The following CRADD variants were observed in gnomAD, a reference collection of about 807,000 sequenced individuals.
CRADD encodes the protein death domain-containing protein CRADD.
CRADD carries 9 observed loss-of-function variants against 15.5 expected under a neutral mutation model. That is an observed-to-expected ratio of 0.58 (90% CI 0.35 to 1.01). CRADD has a LOEUF of 1.01. CRADD is among the 50% of genes least tolerant of loss of function. CRADD has a pLI of 0.02. For synonymous variants in CRADD, 118 were observed against 107.6 expected (o/e 1.10, Z -0.60); for missense variants, 227 against 250.3 (o/e 0.91, Z 0.63).
intron 2 of CRADD, among the ~76,000 whole-genome samples, chr12:93,846,285 A>C (rs1958115192): frequency 6.6e-6 from 1 of 152,148 alleles, no homozygotes; most frequent in Non-Finnish European, 1.5e-5. Context: ...AATTCTTTTG[A>C]GTATATACCC....
intron 2 of CRADD, among the ~76,000 whole-genome samples, chr12:93,683,296 G>A (rs567289245): frequency 1.3e-5 from 2 of 152,364 alleles, no homozygotes; most frequent in East Asian, 3.9e-4. Flanking sequence ...GGGTCTGGGT[G>A]TCTGCCATGA....
intron 2 of CRADD, among the ~76,000 whole-genome samples, chr12:93,880,888 GT>G (rs1377643281): frequency 2.0e-5 from 3 of 152,178 alleles, no homozygotes; most frequent in Admixed American, 2.0e-4. Context: ...CAGTAGATTT[GT>G]TTTTGTTAGA....
intron 2 of CRADD, among the ~76,000 whole-genome samples, chr12:93,730,735 T>TA (rs1312790765): frequency 6.6e-6 from 1 of 150,660 alleles, no homozygotes; most frequent in Non-Finnish European, 1.5e-5. Flanking sequence ...TTTTTTTTTT[T>TA]AATGGAGCTT....
At chr12:93,686,912 G>A (rs1955453580) in intron 2 of CRADD, among the ~76,000 whole-genome samples, 1 of 147,774 alleles carries the variant, frequency 6.8e-6, no homozygotes, top group Non-Finnish European at 1.5e-5. Context: ...TTGTACTAAT[G>A]CATTTTTTTT....
chr12:93,697,375 GC>G (rs1955734779), intron 2 of CRADD, among the ~76,000 whole-genome samples: 1 of 152,232 alleles, frequency 6.6e-6, no homozygotes, highest in East Asian at 1.9e-4. Context: ...ACGTGAAGAT[GC>G]AGCAAGACTG....
chr12:93,874,664 T>G (rs1163026367), intron 2 of CRADD, among the ~76,000 whole-genome samples: 1 of 152,118 alleles, frequency 6.6e-6, no homozygotes, highest in Non-Finnish European at 1.5e-5. Flanking sequence ...CTTTTTAATT[T>G]CTTCATTGAC....
At chr12:93,828,552 C>T (rs1192174270) in intron 2 of CRADD, among the ~76,000 whole-genome samples, 2 of 152,338 alleles carry the variant, frequency 1.3e-5, no homozygotes, top group Middle Eastern at 3.4e-3. Flanking sequence ...TGTGCTTGTG[C>T]GTATGGAGAG....
In CRADD at chr12:93,783,604, C is replaced by T. The variant is rs111617392; in HGVS notation, c.299-66366C>T. Among the ~76,000 whole-genome samples the T allele has an allele frequency of 7.2e-5, 11 of 152,156 alleles. 2 individuals carry two copies. The highest frequency in any genetic ancestry group is 2.6e-4 in the Admixed American group (4 of 15,274). ...AAGCAAAATGTGTGGCAACTTTCTT[C>T]ATATTCAGAAAAGAGTAAAAGCCTA... is the stretch of plus-strand genomic sequence containing the variant. On this transcript the variant is annotated intron_variant, in intron 2 of 2. Transcript: ENST00000332896.
In CRADD at chr12:93,850,174, G is replaced by C; in HGVS notation, c.503G>C (p.Arg168Pro). The C allele has an allele frequency of 6.2e-7, 1 of 1,613,804 alleles. No homozygotes were observed. Among genetic ancestry groups the C allele is most frequent in the East Asian group, 2.2e-5 (1 of 44,866 alleles). ...SQVVEAFIRW[R>P]QRFGKQATFQ... ...GTGGTGGAGGCCTTCATCCGTTGGC[G>C]GCAGCGCTTCGGGAAGCAGGCCACC... Residue 168 changes from arginine to proline, a missense_variant, in exon 3 of 3, where the codon CGG becomes CCG. Transcript: ENST00000332896. This position sits in a 1 kb window ranked among gnomAD's most constrained non-coding sequence, Gnocchi z 4.0.
intron 2 of CRADD, among the ~76,000 whole-genome samples, chr12:93,841,102 T>C (rs558571172): frequency 3.1e-4 from 47 of 152,326 alleles, no homozygotes; most frequent in African/African-American, 1.1e-3. Flanking sequence ...ATAATGACTT[T>C]CCTCTTTGGT....
chr12:93,688,802 C>T (rs58366643), intron 2 of CRADD, among the ~76,000 whole-genome samples: 5,913 of 152,214 alleles, frequency 0.039, 344 homozygotes, highest in African/African-American at 0.13. Flanking sequence ...ACCACTTTCT[C>T]GGCATTCAGT....
intron 2 of CRADD, among the ~76,000 whole-genome samples, chr12:93,816,507 G>A (rs1347931751): frequency 1.3e-5 from 2 of 151,490 alleles, no homozygotes; most frequent in African/African-American, 2.4e-5. Flanking sequence ...AATTACAGGC[G>A]TGAGCCACCA....
intron 2 of CRADD, among the ~76,000 whole-genome samples, chr12:93,784,188 G>A (rs1398263787): frequency 1.3e-5 from 2 of 152,034 alleles, no homozygotes. Flanking sequence ...TTCAAGAATC[G>A]AGGCGCTAAA....
chr12:93,716,050 T>C (rs945981460), intron 2 of CRADD, among the ~76,000 whole-genome samples: 8 of 151,670 alleles, frequency 5.3e-5, no homozygotes, highest in African/African-American at 1.9e-4. Flanking sequence ...GAGAATCGCT[T>C]GAATCCAGGA....
intron 2 of CRADD, among the ~76,000 whole-genome samples, chr12:93,889,405 C>T (rs1205782849): frequency 6.6e-6 from 1 of 151,980 alleles, no homozygotes; most frequent in Non-Finnish European, 1.5e-5. Flanking sequence ...CTGAGGTCAC[C>T]CTAAAGAAAA....
In CRADD at chr12:93,767,470, G is replaced by A. The variant is rs117960824; in HGVS notation, c.299-82500G>A. 2.7e-3 allele frequency among the ~76,000 whole-genome samples: 416 copies of A among 152,262 alleles called. 3 individuals are homozygous for A. Among genetic ancestry groups the A allele is most frequent in the Non-Finnish European group, 3.0e-3 (206 of 68,022 alleles). ...GTGTCCTCTATTAGATACTCTTGTC[G>A]TTTTTTAAGCTAACATTCATTGAGG... is the stretch of plus-strand genomic sequence containing the variant. On this transcript the variant is annotated intron_variant, in intron 2 of 2. Coordinates refer to ENST00000332896, the MANE Select transcript of CRADD (RefSeq NM_003805.5).
intron 2 of CRADD, chr12:93,859,178 C>T (rs1958299377): frequency 2.6e-6 from 1 of 392,010 alleles, no homozygotes; most frequent in Non-Finnish European, 5.0e-6. Context: ...CACCCAGTTA[C>T]CTGTTTGCTA....
chr12:93,774,804 G>A (rs1828454534), intron 2 of CRADD, among the ~76,000 whole-genome samples: 2 of 152,194 alleles, frequency 1.3e-5, no homozygotes, highest in Admixed American at 1.3e-4. Context: ...ATGCAATGAT[G>A]AGCAAGATGT....
intron 2 of CRADD, among the ~76,000 whole-genome samples, chr12:93,867,405 T>TATATATATATATATACATATATATATA (rs1207739624): frequency 9.8e-6 from 1 of 102,072 alleles, no homozygotes; most frequent in Non-Finnish European, 2.3e-5. Context: ...ATATATATAT[T>TATATATATATATATACATATATATATA]TTTTAAACTT....
Sources: allele counts gnomAD v4.1 joint callset (sites outside exome capture counted in the v4.1 genomes callset), GRCh38; gene constraint gnomAD v4.1.1; non-coding constraint Gnocchi (gnomAD v3.1); transcripts MANE v1.5; gene names NCBI Gene and HGNC (gene_info 2026-07-23, HGNC 2026-07-21).